PDLIM7: variants seen among roughly 807,000 people sequenced by gnomAD.
PDLIM7 encodes PDZ and LIM domain 7, also known as PDZ and LIM domain protein 7.
In PDLIM7, 37 loss-of-function variants were observed where a neutral mutation model predicts 53.9. The ratio of observed to expected loss-of-function variants is 0.69; its 90% CI spans 0.53 to 0.90. PDLIM7 has a LOEUF of 0.90. Among genes scored for constraint, PDLIM7 ranks in the 40% least tolerant of loss-of-function variants. The probability of loss-of-function intolerance (pLI) is 0.00; values close to 1 mark genes in which losing one functional copy is unlikely to be tolerated. For synonymous variants in PDLIM7, 300 were observed against 261.3 expected (o/e 1.15, Z -1.43); for missense variants, 617 against 638.5 (o/e 0.97, Z 0.36).
chr5:177,491,924 G>A lies in PDLIM7; in HGVS notation c.281C>T (p.Ala94Val). 8.6e-7 allele frequency: 1 copy of A among 1,162,486 alleles called. No homozygotes were observed. The highest frequency in any genetic ancestry group is 1.1e-6 in the Non-Finnish European group (1 of 904,282). 72.0% of individuals were successfully genotyped at this position (1,162,486 alleles called of 1,614,324 possible). A position where few individuals can be genotyped will look rare whatever the true frequency, so the allele number is the denominator to read the frequency against. The change falls in exon 5 of 13, where the codon GCC (alanine) becomes GTC (valine). Residue 94 changes from alanine (A) to valine (V), a missense_variant and splice_region_variant. Ala to Val is a moderately conservative substitution (Grantham distance 64, BLOSUM62 0). Transcript: ENST00000355841. ...CGGAGGGTCCGCGGCGGGGGCGGAG[G>A]CCTGGGCAGAGACACAGCCGGGCAG... ...AQPVQSKPQK[A>V]SAPAADPPRY...
chr5:177,492,512 G>A lies in PDLIM7; in HGVS notation c.248+14C>T. On this transcript the variant is annotated intron_variant, in intron 3 of 12. Transcript: ENST00000355841. ...TGCCAGCGCGGGCGCACCCATCCAT[G>A]TCCACCCGCATACCTGCTGAGGCCC... The A allele has an allele frequency of 6.2e-7, 1 of 1,613,754 alleles. No homozygotes were observed. The highest frequency in any genetic ancestry group is 1.1e-5 in the South Asian group (1 of 91,054).
Position 177,490,874 on chromosome 5 carries a change from A to C in PDLIM7, c.568T>G (p.Ser190Ala), listed in dbSNP as rs540610170. Reference protein sequence around the residue: ...QDPDEEHLKKSSQVPRTEAPA... With the variant: ...QDPDEEHLKKASQVPRTEAPA... ...GGCTGGTGCCCGTCCCTGTACCTTG[A>C]TTTCTTCAGGTGCTCCTCATCCGGG... The change falls in exon 7 of 13, where the codon TCA becomes GCA. Residue 190 changes from serine (S) to alanine (A), a missense_variant. Coordinates refer to ENST00000355841, the MANE Select transcript of PDLIM7 (RefSeq NM_005451.5). The C allele has an allele frequency of 4.3e-6, 7 of 1,614,010 alleles. No individual in the cohort carries two copies. The highest frequency in any genetic ancestry group is 2.2e-5 in the South Asian group (2 of 91,084).
Position 177,488,232 on chromosome 5 carries a change from C to A in PDLIM7, c.886G>T (p.Ala296Ser). The part of the protein sequence containing the change: ...HKVIRGRYLV[A>S]LGHAYHPEEF... ...TCCGGGTGGTACGCGTGGCCCAGCG[C>A]CACCAGGTAGCGGCCCCTGCAGGGA... Residue 296 changes from alanine (A) to serine (S), a missense_variant, in exon 10 of 13, where the codon GCG becomes TCG. Ala to Ser is a moderately conservative substitution (Grantham distance 99). Transcript: ENST00000355841. The A allele has an allele frequency of 6.2e-7, 1 of 1,605,936 alleles. No homozygotes were observed. Among genetic ancestry groups the A allele is most frequent in the Non-Finnish European group, 8.5e-7 (1 of 1,175,616 alleles).
At chr5:177,492,752 C>A in intron 2 of PDLIM7, 75 bp from the exon 3 acceptor site, 5 of 1,500,734 alleles carry the variant, frequency 3.3e-6, no homozygotes, top group Non-Finnish European at 3.6e-6. Context: ...GGTAACACTG[C>A]CCCACCCAAA....
intron 7 of PDLIM7, 48 bp from the exon 8 acceptor site, chr5:177,489,880 TG>T (rs1561702306): frequency 4.5e-6 from 7 of 1,551,394 alleles, no homozygotes; most frequent in Non-Finnish European, 6.1e-6. Flanking sequence ...CTTCCTGACA[TG>T]GCCCCACCCC....
rs35111726 is a variant in PDLIM7 at position 177,491,028 on chromosome 5, G to A, written c.517C>T (p.Leu173Phe). 746 of 1,613,462 alleles carry A rather than the reference G, an allele frequency of 4.6e-4. 2 individuals are homozygous for A. In the African/African-American group the frequency reaches 7.6e-3, roughly 16 times the overall value. ...QSRSFRILAH[L>F]TGTEFMQDPD... is the part of the protein sequence containing the mutation. ...CACTTACTGAACTCGGTGCCTGTGA[G>A]GTGGGCAAGGATGCGGAAGGAACGC... is the stretch of plus-strand genomic sequence containing the variant. Residue 173 changes from leucine to phenylalanine, a missense_variant, in exon 6 of 13, where the codon CTC becomes TTC. Leu to Phe is a conservative substitution (Grantham distance 22). Coordinates refer to ENST00000355841, the MANE Select transcript of PDLIM7 (RefSeq NM_005451.5).
intron 2 of PDLIM7, among the ~76,000 whole-genome samples, chr5:177,493,602 G>C (rs984065838): frequency 6.6e-6 from 1 of 152,240 alleles, no homozygotes; most frequent in Non-Finnish European, 1.5e-5. Context: ...AGGTAGAGGG[G>C]CTACTGGCAG....
At chr5:177,490,320 G>C in intron 7 of PDLIM7, 1 of 1,446,624 alleles carries the variant, frequency 6.9e-7, no homozygotes, top group Non-Finnish European at 9.0e-7. Flanking sequence ...GGCAAAGAGG[G>C]AAGGCAGTGT....
intron 2 of PDLIM7, among the ~76,000 whole-genome samples, chr5:177,495,423 T>TC: frequency 6.6e-6 from 1 of 152,164 alleles, no homozygotes; most frequent in Admixed American, 6.5e-5. Flanking sequence ...GGTGGGTCTC[T>TC]TGGGGCAGGC....
Position 177,484,112 on chromosome 5 carries a change from T to C in PDLIM7, c.1129A>G (p.Arg377Gly). The change falls in exon 11 of 13, where the codon AGG becomes GGG. Residue 377 changes from arginine to glycine, a missense_variant. Arg to Gly is a moderately radical substitution (Grantham distance 125). Transcript: ENST00000355841. ...CAACKTPIRN[R>G]AFYMEEGVPY... ...ACGCCCTCCTCCATGTAGAAGGCCC[T>C]GTTCCGGATGGGCGTCTTGCAGGCA... The C allele has an allele frequency of 1.2e-6, 2 of 1,614,030 alleles. No individual in the cohort carries two copies. Among genetic ancestry groups the C allele is most frequent in the Middle Eastern group, 1.6e-4 (1 of 6,062 alleles).
chr5:177,490,395 G>T (rs73349168), intron 7 of PDLIM7: 61 of 1,486,934 alleles, frequency 4.1e-5, no homozygotes, highest in African/African-American at 5.6e-5. Context: ...GGCACGAAAG[G>T]GGGGGTGAGG....
chr5:177,486,904 T>G (rs1758486756), intron 10 of PDLIM7, among the ~76,000 whole-genome samples: 1 of 139,070 alleles, frequency 7.2e-6, no homozygotes, highest in Non-Finnish European at 1.5e-5. Flanking sequence ...GTGCTGGGAT[T>G]ACAGGTGTGA....
chr5:177,492,434 C>T lies in PDLIM7; in HGVS notation c.250G>A (p.Ala84Thr), dbSNP rs1161407020. The T allele has an allele frequency of 6.2e-7, 1 of 1,613,598 alleles. No homozygotes were observed. ...TGCGGTTTGCTCTGAACCGGCTGGG[C>T]CCTGGAGGAGAAGGAAAGCGTGACA... ...GERLSLGLSRAQPVQSKPQKA... is the reference protein window; with the variant it reads ...GERLSLGLSRTQPVQSKPQKA... The change falls in exon 4 of 13, where the codon GCC (alanine) becomes ACC (threonine). Residue 84 changes from alanine (A) to threonine (T), a missense_variant and splice_region_variant. Transcript: ENST00000355841.
chr5:177,488,119 A>G lies in PDLIM7; in HGVS notation c.999T>C (p.Tyr333=). 1 of 1,613,082 alleles carries G rather than the reference A, an allele frequency of 6.2e-7. No individual in the cohort carries two copies. Among genetic ancestry groups the G allele is most frequent in the Non-Finnish European group, 8.5e-7 (1 of 1,179,846 alleles). Residue 333 remains tyrosine (Y), a synonymous_variant, in exon 10 of 13, where the codon TAT becomes TAC. Transcript: ENST00000355841. The stretch of plus-strand genomic sequence containing the variant: ...CACAGCTGGGTGCATAGCGCACGTC[A>G]TAGCATGGTGGGCAGAAGATGGCGC... ...EKGAIFCPPC[Y]DVRYAPSCAK... is the part of the protein sequence containing the mutation.
At chr5:177,484,219 G>T in intron 10 of PDLIM7, 29 bp from the exon 11 acceptor site, 1 of 1,609,560 alleles carries the variant, frequency 6.2e-7, no homozygotes, top group Non-Finnish European at 8.5e-7. Context: ...CACTCGGCAG[G>T]CTCAGGCCCC....
intron 2 of PDLIM7, among the ~76,000 whole-genome samples, chr5:177,494,237 AGAGCCAG>A (rs1238657229): frequency 1.3e-5 from 2 of 152,248 alleles, no homozygotes; most frequent in Non-Finnish European, 2.9e-5. Flanking sequence ...AGTAAGAGGC[AGAGCCAG>A]GAAGTGTCTC....
intron 2 of PDLIM7, among the ~76,000 whole-genome samples, chr5:177,494,764 C>A (rs926469741): frequency 6.6e-6 from 1 of 152,096 alleles, no homozygotes; most frequent in Admixed American, 6.5e-5. Context: ...GGGGGCTGGA[C>A]CCTGCATGAG....
rs868459119 is a variant in PDLIM7, at chr5:177,491,421, C to T, written c.399-275G>A. On this transcript the variant is annotated intron_variant, in intron 5 of 12. Transcript: ENST00000355841. ...TCACTGACTTGTCAGGGGTCTGCAC[C>T]TGTGAAGGAAATAAGACAGACAGAC... The T allele has an allele frequency of 4.5e-6, 7 of 1,550,756 alleles. No individual in the cohort carries two copies. In the African/African-American group the frequency reaches 8.2e-5, roughly 18 times the overall value.
At chr5:177,488,530 G>C (rs1242614127) in intron 9 of PDLIM7, among the ~76,000 whole-genome samples, 3 of 152,210 alleles carry the variant, frequency 2.0e-5, no homozygotes, top group African/African-American at 2.4e-5. Context: ...TAAAAGCTGA[G>C]CCGCCCCTGG....
Sources: allele counts gnomAD v4.1 joint callset (sites outside exome capture counted in the v4.1 genomes callset), GRCh38; gene constraint gnomAD v4.1.1; transcripts MANE v1.5; gene names NCBI Gene and HGNC (gene_info 2026-07-23, HGNC 2026-07-21).